Variants in SEMA6D observed in about 807,000 individuals in gnomAD.
SEMA6D encodes semaphorin 6D.
Under a neutral mutation model 106.6 loss-of-function variants are expected in SEMA6D, and 35 were observed. The observed-to-expected ratio is 0.33, with a 90% CI of 0.25 to 0.44. The LOEUF is 0.44. Ranked by LOEUF, SEMA6D falls within the 20% of genes least tolerant of loss-of-function variation. SEMA6D has a pLI of 1.00. For missense variants in SEMA6D, 1,185 were observed against 1,345.9 expected, an observed-to-expected ratio of 0.88 and a Z score of 1.87; for synonymous variants, 499 against 487.7, an observed-to-expected ratio of 1.02 and a Z score of -0.31.
intron 1 of SEMA6D, among the ~76,000 whole-genome samples, chr15:47,745,456 C>T (rs1341600219): frequency 6.6e-6 from 1 of 152,366 alleles, no homozygotes; most frequent in African/African-American, 2.4e-5. Flanking sequence ...CTACCCCGTA[C>T]GCCACTGCTC....
chr15:47,451,381 C>A (rs2042187290), intron 2 of SEMA6D, among the ~76,000 whole-genome samples: 1 of 151,982 alleles, frequency 6.6e-6, no homozygotes, highest in Non-Finnish European at 1.5e-5. Context: ...GGTGAGGATG[C>A]ATGGACATGG....
chr15:47,208,274 T>A (rs927617400), intron 1 of SEMA6D, among the ~76,000 whole-genome samples: 4 of 152,144 alleles, frequency 2.6e-5, no homozygotes, highest in African/African-American at 9.7e-5. Flanking sequence ...GTGCTAGAGA[T>A]ACAGAAAATA....
At chr15:47,429,908 C>G (rs964040093) in intron 2 of SEMA6D, among the ~76,000 whole-genome samples, 2 of 152,094 alleles carry the variant, frequency 1.3e-5, no homozygotes, top group African/African-American at 4.8e-5. Context: ...TGAAAAGTTT[C>G]TCTTACCTTC....
chr15:47,560,656 C>G (rs1309721558), intron 3 of SEMA6D, among the ~76,000 whole-genome samples: 2 of 152,070 alleles, frequency 1.3e-5, no homozygotes, highest in African/African-American at 4.8e-5. Context: ...GAGGTGAATT[C>G]TGTTCTCCAA....
At chr15:47,354,934 C>T (rs2038507467) in intron 1 of SEMA6D, among the ~76,000 whole-genome samples, 1 of 152,148 alleles carries the variant, frequency 6.6e-6, no homozygotes, top group South Asian at 2.1e-4. Context: ...GAAATTGTTC[C>T]ATGAATTCAT....
chr15:47,766,506 T>A, intron 15 of SEMA6D, 110 bp from the exon 16 acceptor site: 1 of 896,746 alleles, frequency 1.1e-6, no homozygotes. Flanking sequence ...TTTTTTTCTC[T>A]CTCTGCCCAT....
chr15:47,613,480 A>C (rs1440809412), intron 4 of SEMA6D, among the ~76,000 whole-genome samples: 2 of 152,188 alleles, frequency 1.3e-5, no homozygotes, highest in African/African-American at 4.8e-5. Flanking sequence ...TGCACTCATA[A>C]TACAAAAATT....
At chr15:47,656,972 C>G (rs1184480174) in intron 4 of SEMA6D, among the ~76,000 whole-genome samples, 1 of 152,082 alleles carries the variant, frequency 6.6e-6, no homozygotes, top group Non-Finnish European at 1.5e-5. Context: ...CAGAGAATAC[C>G]CTGTGTAATG....
chr15:47,331,842 G>T (rs2037355603), intron 1 of SEMA6D, among the ~76,000 whole-genome samples: 2 of 152,150 alleles, frequency 1.3e-5, no homozygotes, highest in African/African-American at 4.8e-5. Flanking sequence ...AGAAAAACAT[G>T]CAAACAGCCA....
At chr15:47,694,766 G>T (rs550575804) in intron 4 of SEMA6D, among the ~76,000 whole-genome samples, 1 of 152,070 alleles carries the variant, frequency 6.6e-6, no homozygotes, top group Non-Finnish European at 1.5e-5. Flanking sequence ...AGCAGGGCAC[G>T]GAAAGAATAT....
At chr15:47,710,593 CACAA>C (rs758456513) in intron 4 of SEMA6D, among the ~76,000 whole-genome samples, 24 of 152,254 alleles carry the variant, frequency 1.6e-4, no homozygotes, top group African/African-American at 5.1e-4. Context: ...CACGCACACA[CACAA>C]ACACACACAC....
intron 4 of SEMA6D, among the ~76,000 whole-genome samples, chr15:47,680,347 C>G (rs978611276): frequency 1.3e-5 from 2 of 152,166 alleles, no homozygotes; most frequent in Admixed American, 1.3e-4. Flanking sequence ...TGGCTTGATA[C>G]ACTTTCCTCA....
chr15:47,555,936 A>G (rs912900120), intron 3 of SEMA6D, among the ~76,000 whole-genome samples: 3 of 152,212 alleles, frequency 2.0e-5, no homozygotes, highest in African/African-American at 4.8e-5. Flanking sequence ...ATCCCATGGA[A>G]TAGCTGGGGG....
rs56185341 is a variant in SEMA6D at position 47,304,433 on chromosome 15, T to TAAAAAA, written c.-238-107929_-238-107924dup. 2.5e-4 allele frequency among the ~76,000 whole-genome samples: 23 copies of TAAAAAA among 93,840 alleles called. 1 individual carries two copies. Among genetic ancestry groups the TAAAAAA allele is most frequent in the East Asian group, 2.0e-3 (4 of 2,000 alleles). The allele number at this position is 93,840 out of a possible 152,430, so 61.6% of individuals were successfully genotyped here. A position where few individuals can be genotyped will look rare whatever the true frequency, so the allele number is the denominator to read the frequency against. On this transcript the variant is annotated intron_variant, in intron 1 of 19. Coordinates refer to the SEMA6D transcript ENST00000558014. ...TGCACTCCAGCCTGAGCCTTCTAAC[T>TAAAAAA]AAAAAAAAAAAAAAAAAAAAAAAAA...
At chr15:47,495,853 TA>T (rs1269721229) in intron 3 of SEMA6D, among the ~76,000 whole-genome samples, 1 of 152,104 alleles carries the variant, frequency 6.6e-6, no homozygotes, top group African/African-American at 2.4e-5. Flanking sequence ...CCAGAGTATT[TA>T]AAAGGTGCCC....
At chr15:47,333,331 C>G (rs1300008378) in intron 1 of SEMA6D, among the ~76,000 whole-genome samples, 2 of 151,870 alleles carry the variant, frequency 1.3e-5, no homozygotes, top group Non-Finnish European at 2.9e-5. Flanking sequence ...TGATCAAAAC[C>G]TAAAGAAAAA....
At chr15:47,765,385 C>A in intron 13 of SEMA6D, 1 of 1,114,648 alleles carries the variant, frequency 9.0e-7, no homozygotes, top group Non-Finnish European at 1.1e-6. Flanking sequence ...TGCATACACA[C>A]ACACACAAAT....
At chr15:47,542,029 T>G (rs911625698) in intron 3 of SEMA6D, among the ~76,000 whole-genome samples, 3 of 152,176 alleles carry the variant, frequency 2.0e-5, no homozygotes, top group Non-Finnish European at 4.4e-5. Flanking sequence ...CAGAGCAAGA[T>G]TGCTGTTATA....
chr15:47,363,033 A>AAAT (rs909471366), intron 1 of SEMA6D, among the ~76,000 whole-genome samples: 3 of 151,858 alleles, frequency 2.0e-5, no homozygotes, highest in Non-Finnish European at 4.4e-5. Flanking sequence ...AAAAGTCTCC[A>AAAT]AATAATAATA....
Sources: gnomAD v4.1 joint callset for allele counts (sites outside exome capture counted in the v4.1 genomes callset) on GRCh38, gnomAD v4.1.1 for gene constraint, MANE v1.5 for transcripts, NCBI Gene and HGNC (gene_info 2026-07-23, HGNC 2026-07-21) for gene names.